Variants in YTHDC2 observed in about 807,000 individuals in gnomAD.
The protein encoded by YTHDC2 is YTH N6-methyladenosine RNA binding protein C2, also known as 3'-5' RNA helicase YTHDC2.
Under a neutral mutation model 174.9 loss-of-function variants are expected in YTHDC2, and 45 were observed. That is an observed-to-expected ratio of 0.26 (90% CI 0.20 to 0.33). The LOEUF (loss-of-function observed/expected upper bound fraction) is 0.33, where lower values mean the gene tolerates loss of function less well. Among genes scored for constraint, YTHDC2 ranks in the 10% least tolerant of loss-of-function variants. The pLI is 1.00. For missense variants in YTHDC2, 1,650 were observed against 1,723.7 expected (o/e 0.96, Z 0.76); for synonymous variants, 657 against 574.5 (o/e 1.14, Z -2.05).
chr5:113,542,145 C>T (rs893841514), intron 9 of YTHDC2, among the ~76,000 whole-genome samples: 1 of 152,112 alleles, frequency 6.6e-6, no homozygotes, highest in Non-Finnish European at 1.5e-5. Flanking sequence ...GATCATAGTC[C>T]TTTGTTGACA....
chr5:113,529,187 C>G (rs868554610), intron 4 of YTHDC2, among the ~76,000 whole-genome samples: 2 of 152,070 alleles, frequency 1.3e-5, no homozygotes, highest in African/African-American at 4.8e-5. Context: ...TAAGAGTTGT[C>G]TCATTTCAGC....
chr5:113,573,580 CTCTTT>C (rs1483091893), intron 23 of YTHDC2, among the ~76,000 whole-genome samples: 1 of 152,168 alleles, frequency 6.6e-6, no homozygotes, highest in Non-Finnish European at 1.5e-5. Context: ...TGGTTCTATT[CTCTTT>C]TATCTTTCAG....
intron 24 of YTHDC2, 52 bp downstream of exon 24, chr5:113,579,747 A>G (rs1778283581): frequency 1.3e-6 from 2 of 1,500,052 alleles, no homozygotes; most frequent in South Asian, 2.7e-5. Flanking sequence ...GTTAGTGTGA[A>G]TTGATATATA....
At position 113,540,992 on chromosome 5, in the gene YTHDC2, C is replaced by A. The variant is rs778617591; in HGVS notation, c.1235C>A (p.Thr412Lys). 1.9e-6 allele frequency: 3 copies of A among 1,613,266 alleles called. No individual in the cohort carries two copies. Among genetic ancestry groups the A allele is most frequent in the South Asian group, 1.1e-5 (1 of 90,870 alleles). Residue 412 changes from threonine (T) to lysine (K), a missense_variant, in exon 9 of 30, where the codon ACA becomes AAA. Thr to Lys is a moderately conservative substitution (Grantham distance 78). Coordinates refer to ENST00000161863, the MANE Select transcript of YTHDC2 (RefSeq NM_022828.5). ...QQEEKQQTTL[T>K]EWYSAQENSF... Reference sequence around the variant, plus strand: ...GAAGAGAAACAACAAACCACACTTACAGAATGGTACTCAGCTCAAGAAAAT... The same window carrying A: ...GAAGAGAAACAACAAACCACACTTAAAGAATGGTACTCAGCTCAAGAAAAT...
intron 23 of YTHDC2, 109 bp downstream of exon 23, chr5:113,567,958 G>A (rs1249216479): frequency 2.4e-6 from 2 of 845,218 alleles, no homozygotes; most frequent in Non-Finnish European, 3.3e-6. Context: ...GATTTATATA[G>A]TAGCAGCTCT....
intron 17 of YTHDC2, among the ~76,000 whole-genome samples, chr5:113,558,673 A>C (rs1358809092): frequency 1.3e-5 from 2 of 151,942 alleles, no homozygotes; most frequent in East Asian, 3.9e-4. Flanking sequence ...TAGAAAATCG[A>C]AGTGGATTGG....
At chr5:113,520,970 G>A (rs1179901357) in intron 2 of YTHDC2, among the ~76,000 whole-genome samples, 1 of 152,140 alleles carries the variant, frequency 6.6e-6, no homozygotes, top group Non-Finnish European at 1.5e-5. Flanking sequence ...GTGTCCATGT[G>A]TTTTCATCAT....
intron 26 of YTHDC2, among the ~76,000 whole-genome samples, chr5:113,587,709 G>GT (rs1277839364): frequency 1.3e-5 from 2 of 150,254 alleles, no homozygotes; most frequent in East Asian, 3.9e-4. Context: ...CTTCAACTTT[G>GT]TTTATCTTCT....
intron 2 of YTHDC2, among the ~76,000 whole-genome samples, chr5:113,518,508 T>A (rs181084325): frequency 4.0e-4 from 61 of 152,032 alleles, no homozygotes; most frequent in African/African-American, 1.4e-3. Context: ...AGCCGATTTT[T>A]AAAAAAATAA....
At chr5:113,516,736 G>C (rs1465870014) in intron 2 of YTHDC2, among the ~76,000 whole-genome samples, 1 of 152,086 alleles carries the variant, frequency 6.6e-6, no homozygotes, top group East Asian at 1.9e-4. Flanking sequence ...TATGTTTTTA[G>C]GTTAGGAAGA....
At chr5:113,539,246 T>C (rs577044712) in intron 8 of YTHDC2, 65 bp downstream of exon 8, 1 of 631,752 alleles carries the variant, frequency 1.6e-6, no homozygotes, top group East Asian at 3.6e-5. Context: ...GAGTACTCCA[T>C]CCTTACATTG....
rs954954411 is a variant in YTHDC2, at chr5:113,579,583, C to T, written c.3245-3C>T. On this transcript the variant is annotated splice_polypyrimidine_tract_variant and splice_region_variant and intron_variant, in intron 23 of 29. Transcript: ENST00000161863. ...ATTTTTTTTTCATTATGTACTTGGACAGTGGATGGCATTCCCAATGACAGT... is the reference window on the plus strand; with the variant it reads ...ATTTTTTTTTCATTATGTACTTGGATAGTGGATGGCATTCCCAATGACAGT... 2 of 1,585,240 alleles carry T rather than the reference C, an allele frequency of 1.3e-6. No homozygotes were observed. The highest frequency in any genetic ancestry group is 1.7e-6 in the Non-Finnish European group (2 of 1,166,712).
At chr5:113,576,474 T>G (rs552539812) in intron 23 of YTHDC2, among the ~76,000 whole-genome samples, 71 of 152,308 alleles carry the variant, frequency 4.7e-4, no homozygotes, top group African/African-American at 1.6e-3. Flanking sequence ...GATAAAACTC[T>G]TTGAAGTGGG....
Position 113,579,187 on chromosome 5 carries a change from A to G in YTHDC2, c.3245-399A>G, listed in dbSNP as rs1303262890. ...ATTTTTCTTAGATATATTTAGCTGT[A>G]TACTTTTTCTTTTTAAAACTGACCT... is the stretch of plus-strand genomic sequence containing the variant. On this transcript the variant is annotated intron_variant, in intron 23 of 29. Transcript: ENST00000161863. 2.0e-5 allele frequency among the ~76,000 whole-genome samples: 3 copies of G among 151,878 alleles called. 1 individual carries two copies. Among genetic ancestry groups the G allele is most frequent in the Non-Finnish European group, 4.4e-5 (3 of 67,954 alleles).
At chr5:113,536,417 C>T (rs555038713) in intron 7 of YTHDC2, among the ~76,000 whole-genome samples, 4 of 152,204 alleles carry the variant, frequency 2.6e-5, no homozygotes, top group East Asian at 1.9e-4. Flanking sequence ...CCCAGCTACT[C>T]GGGAGGCTAA....
chr5:113,581,300 A>T, intron 24 of YTHDC2, 117 bp from the exon 25 acceptor site: 5 of 939,552 alleles, frequency 5.3e-6, no homozygotes, highest in Non-Finnish European at 7.4e-6. Context: ...GTAGTAAATT[A>T]TATGAAATGT....
At position 113,567,308 on chromosome 5, in the gene YTHDC2, T is replaced by C; in HGVS notation, c.3048+11T>C. 6.3e-7 allele frequency: 1 copy of C among 1,594,922 alleles called. No individual in the cohort carries two copies. Among genetic ancestry groups the C allele is most frequent in the South Asian group, 1.1e-5 (1 of 87,270 alleles). On this transcript the variant is annotated intron_variant, in intron 22 of 29. Transcript: ENST00000161863. Reference sequence around the variant, plus strand: ...CCTCAATATAAAAAGGTAAAAGATTTTGAATGCTGTTGGGTTTTGAGGTGA... The same window carrying C: ...CCTCAATATAAAAAGGTAAAAGATTCTGAATGCTGTTGGGTTTTGAGGTGA...
intron 7 of YTHDC2, among the ~76,000 whole-genome samples, chr5:113,537,399 T>C (rs1197845018): frequency 6.7e-6 from 1 of 150,286 alleles, no homozygotes; most frequent in Non-Finnish European, 1.5e-5. Context: ...TCAGATGCTG[T>C]AGTTTGTTTG....
At chr5:113,569,615 G>C (rs1777583574) in intron 23 of YTHDC2, among the ~76,000 whole-genome samples, 1 of 152,092 alleles carries the variant, frequency 6.6e-6, no homozygotes, top group African/African-American at 2.4e-5. Flanking sequence ...TTTCCTCATT[G>C]CTTGTTTTTG....
Sources: allele counts gnomAD v4.1 joint callset (sites outside exome capture counted in the v4.1 genomes callset), GRCh38; gene constraint gnomAD v4.1.1; transcripts MANE v1.5; gene names NCBI Gene and HGNC (gene_info 2026-07-23, HGNC 2026-07-21).